KBTBD8: variants seen among roughly 807,000 people sequenced by gnomAD.
The protein encoded by KBTBD8 is kelch repeat and BTB domain containing 8.
KBTBD8 carries 31 observed loss-of-function variants against 53.5 expected under a neutral mutation model. That is an observed-to-expected ratio of 0.58 (90% confidence interval 0.44 to 0.78). The LOEUF is 0.78. Among genes scored for constraint, KBTBD8 ranks in the 30% least tolerant of loss-of-function variants. The pLI, the probability that KBTBD8 is intolerant of heterozygous loss-of-function variation, is 0.00. For missense variants in KBTBD8, 642 were observed against 735.8 expected (o/e 0.87, Z 1.48); for synonymous variants, 250 against 247.3 (o/e 1.01, Z -0.10).
Position 67,008,146 on chromosome 3 carries a change from C to T in KBTBD8, c.1567C>T (p.Pro523Ser). 4 of 1,614,068 alleles carry T rather than the reference C, an allele frequency of 2.5e-6. No homozygotes were observed. Among genetic ancestry groups the T allele is most frequent in the South Asian group, 2.2e-5 (2 of 91,080 alleles). ...CTTTCCATGTGATCAGTCCATAAAT[C>T]CATACCTTAAACTGGTACTTTTCCA... The part of the protein sequence containing the change: ...KDFPCDQSIN[P>S]YLKLVLFQNK... The change falls in exon 4 of 4, where the codon CCA becomes TCA. Residue 523 changes from proline (P) to serine (S), a missense_variant. Physicochemically the swap from Pro to Ser is moderately conservative, Grantham distance 74 (BLOSUM62 -1). Transcript: ENST00000417314.
rs2106758043 is a variant in KBTBD8 at position 67,003,585 on chromosome 3, T to C, written c.618T>C (p.Asn206=). The change falls in exon 3 of 4, where the codon AAT becomes AAC. Residue 206 remains asparagine (N), a synonymous_variant. Coordinates refer to ENST00000417314, the MANE Select transcript of KBTBD8 (RefSeq NM_032505.3). ...GTATACTAGACAGTGACGATTTAAA[T>C]GTAGACCGAGAAGAGCATGTTTATG... ...LISILDSDDL[N]VDREEHVYES... is the part of the protein sequence containing the mutation. 1.2e-6 allele frequency: 2 copies of C among 1,613,914 alleles called. No individual in the cohort carries two copies. The highest frequency in any genetic ancestry group is 1.7e-6 in the Non-Finnish European group (2 of 1,179,852).
chr3:67,004,913 A>C (rs2106759805), intron 3 of KBTBD8, among the ~76,000 whole-genome samples: 1 of 152,232 alleles, frequency 6.6e-6, no homozygotes, highest in East Asian at 1.9e-4. Flanking sequence ...ATACATTTTC[A>C]ATTTTTTTCA....
chr3:66,998,392 G>A (rs776487632), intron 1 of KBTBD8, 21 bp downstream of exon 1: 144 of 1,293,552 alleles, frequency 1.1e-4, no homozygotes, highest in Non-Finnish European at 1.4e-4. Flanking sequence ...TGGTGGCCAG[G>A]GCGGCGTGGA....
chr3:67,004,994 T>A (rs1238510392), intron 3 of KBTBD8, among the ~76,000 whole-genome samples: 2 of 152,124 alleles, frequency 1.3e-5, no homozygotes, highest in African/African-American at 4.8e-5. Flanking sequence ...ATATGTAGTG[T>A]TTGTTTTGTT....
At position 67,009,576 on chromosome 3, in the gene KBTBD8, G is replaced by A. The variant is rs187444044; in HGVS notation, c.*1191G>A. On this transcript the variant is annotated 3_prime_UTR_variant, in exon 4 of 4. Transcript: ENST00000417314. ...ACTTAACAGTGATGAATACTTTTAC[G>A]TTGGAATCCTCCTTCTAGCTGAAGG... 1.2e-3 allele frequency: 177 copies of A among 152,084 alleles called. 1 individual carries two copies. Among genetic ancestry groups the A allele is most frequent in the Non-Finnish European group, 6.5e-4 (44 of 67,910 alleles). The allele number at this position is 152,084 out of a possible 1,614,324, so 9.4% of individuals were successfully genotyped here.
intron 2 of KBTBD8, among the ~76,000 whole-genome samples, chr3:66,999,521 A>G (rs537075781): frequency 6.6e-6 from 1 of 152,320 alleles, no homozygotes; most frequent in Non-Finnish European, 1.5e-5. Context: ...TAAATAAAAT[A>G]AAACATTTAG....
At position 67,008,459 on chromosome 3, in the gene KBTBD8, A is replaced by G. The variant is rs138334864; in HGVS notation, c.*74A>G. On this transcript the variant is annotated 3_prime_UTR_variant, in exon 4 of 4. Transcript: ENST00000417314. ...TTGTCTTTGATACAAAAGAGTGCTG[A>G]CAGTATTTCAGAAAGCTGAGAGAGT... 44 of 1,044,146 alleles carry G rather than the reference A, an allele frequency of 4.2e-5. No individual in the cohort carries two copies. The East Asian group carries it at 1.0e-3, about 24-fold the overall frequency. 64.7% of individuals were successfully genotyped at this position (1,044,146 alleles called of 1,614,324 possible).
Position 66,998,320 on chromosome 3 carries a change from C to G in KBTBD8, c.-36C>G, listed in dbSNP as rs1340426006. 1.1e-5 allele frequency: 14 copies of G among 1,291,614 alleles called. No individual in the cohort carries two copies. The highest frequency in any genetic ancestry group is 1.1e-4 in the South Asian group (4 of 37,204). 80.0% of individuals were successfully genotyped at this position (1,291,614 alleles called of 1,614,324 possible). Reference sequence around the variant, plus strand: ...AGCTAGAGAAGCGAAATGACATTTCCTTTTTAAATAGCTGGAGTCGGGGCC... The same window carrying G: ...AGCTAGAGAAGCGAAATGACATTTCGTTTTTAAATAGCTGGAGTCGGGGCC... On this transcript the variant is annotated 5_prime_UTR_variant, in exon 1 of 4. Coordinates refer to ENST00000417314, the MANE Select transcript of KBTBD8 (RefSeq NM_032505.3).
intron 3 of KBTBD8, among the ~76,000 whole-genome samples, chr3:67,005,367 C>G (rs1183194877): frequency 2.0e-5 from 3 of 152,296 alleles, no homozygotes; most frequent in Admixed American, 2.0e-4. Flanking sequence ...CATATTTTTA[C>G]TGTACTTGTT....
Position 67,003,258 on chromosome 3 carries a change from A to G in KBTBD8, c.291A>G (p.Glu97=). Residue 97 remains glutamate, a synonymous_variant, in exon 3 of 4, where the codon GAA becomes GAG. Coordinates refer to ENST00000417314, the MANE Select transcript of KBTBD8 (RefSeq NM_032505.3). ...AAGAAGTTCGAATAGTTGGTGTTGA[A>G]GCTGAATCGATGGATTTAGTGTTGA... The part of the protein sequence containing the change: ...TQKEVRIVGV[E]AESMDLVLNY... 9 of 1,614,146 alleles carry G rather than the reference A, an allele frequency of 5.6e-6. No individual in the cohort carries two copies. Among genetic ancestry groups the G allele is most frequent in the Non-Finnish European group, 6.8e-6 (8 of 1,179,966 alleles).
chr3:67,006,655 A>G (rs1387420217), intron 3 of KBTBD8, among the ~76,000 whole-genome samples: 1 of 152,222 alleles, frequency 6.6e-6, no homozygotes, highest in Non-Finnish European at 1.5e-5. Flanking sequence ...CATCACTGTT[A>G]CGAAGTACGT....
chr3:67,003,095 C>A, intron 2 of KBTBD8, 100 bp from the exon 3 acceptor site: 6 of 1,215,650 alleles, frequency 4.9e-6, no homozygotes, highest in African/African-American at 1.5e-5. Flanking sequence ...TATTCTGTTT[C>A]AAAAGGTTAT....
At chr3:67,000,772 C>T (rs1347522952) in intron 2 of KBTBD8, among the ~76,000 whole-genome samples, 1 of 152,010 alleles carries the variant, frequency 6.6e-6, no homozygotes, top group Non-Finnish European at 1.5e-5. Context: ...CTATATCTTA[C>T]TGAAATTTAA....
intron 3 of KBTBD8, among the ~76,000 whole-genome samples, chr3:67,004,854 G>C (rs894180809): frequency 6.6e-6 from 1 of 152,192 alleles, no homozygotes; most frequent in Non-Finnish European, 1.5e-5. Flanking sequence ...GAGTTTGGAA[G>C]TATGGTCTTC....
rs142381130 is a variant in KBTBD8 at position 67,008,169 on chromosome 3, C to T, written c.1590C>T (p.Phe530=). ...ATCCATACCTTAAACTGGTACTTTT[C>T]CAGAACAAACTCCATTTATTTGTTC... ...SINPYLKLVL[F]QNKLHLFVRA... is the part of the protein sequence containing the mutation. Residue 530 remains phenylalanine, a synonymous_variant, in exon 4 of 4, where the codon TTC becomes TTT. Coordinates refer to ENST00000417314, the MANE Select transcript of KBTBD8 (RefSeq NM_032505.3). The T allele has an allele frequency of 4.9e-4, 798 of 1,614,102 alleles. 5 individuals carry two copies. In the Middle Eastern group the frequency reaches 0.02, roughly 41 times the overall value.
intron 3 of KBTBD8, among the ~76,000 whole-genome samples, chr3:67,005,643 C>G (rs539280752): frequency 6.6e-6 from 1 of 151,612 alleles, no homozygotes; most frequent in East Asian, 2.0e-4. Flanking sequence ...TTCCCCTCCC[C>G]CTTCCCCTTC....
Position 66,999,204 on chromosome 3 carries a change from T to A in KBTBD8, c.227+13T>A. ...GCCCTTACTTCAGGTATGATGATGG[T>A]AGGAACTTCTGTTGGTATCTGCACC... is the stretch of plus-strand genomic sequence containing the variant. On this transcript the variant is annotated intron_variant, in intron 2 of 3. Coordinates refer to ENST00000417314, the MANE Select transcript of KBTBD8 (RefSeq NM_032505.3). 1 of 1,607,156 alleles carries A rather than the reference T, an allele frequency of 6.2e-7. No individual in the cohort carries two copies. Among genetic ancestry groups the A allele is most frequent in the South Asian group, 1.1e-5 (1 of 90,934 alleles).
rs576298559 is a variant in KBTBD8 at position 67,004,458 on chromosome 3, A to G, written c.1342+149A>G. Reference sequence around the variant, plus strand: ...TATTGGAACAGTCTGTTCTGTAAAGAGCTATAAAGAAAATAAACTCTTGAA... The same window carrying G: ...TATTGGAACAGTCTGTTCTGTAAAGGGCTATAAAGAAAATAAACTCTTGAA... On this transcript the variant is annotated intron_variant, in intron 3 of 3. Transcript: ENST00000417314. The G allele has an allele frequency of 1.8e-4, 125 of 682,386 alleles. 1 individual carries two copies. In the South Asian group the frequency reaches 3.1e-3, roughly 17 times the overall value. The allele number at this position is 682,386 out of a possible 1,614,324, so 42.3% of individuals were successfully genotyped here. A position where few individuals can be genotyped will look rare whatever the true frequency, so the allele number is the denominator to read the frequency against.
rs1702090629 is a variant in KBTBD8 at position 67,008,588 on chromosome 3, A to G, written c.*203A>G. The G allele has an allele frequency of 6.0e-6, 3 of 503,844 alleles. No homozygotes were observed. Among genetic ancestry groups the G allele is most frequent in the Non-Finnish European group, 1.0e-5 (3 of 285,804 alleles). The allele number at this position is 503,844 out of a possible 1,614,324, so 31.2% of individuals were successfully genotyped here. On this transcript the variant is annotated 3_prime_UTR_variant, in exon 4 of 4. Transcript: ENST00000417314. ...CAGTAAGGAAAAGATAACAAAGTGC[A>G]ATTATCAGCATTTTTTTTTCCTGGC... is the stretch of plus-strand genomic sequence containing the variant.
Sources: gnomAD v4.1 joint callset for allele counts (sites outside exome capture counted in the v4.1 genomes callset) on GRCh38, gnomAD v4.1.1 for gene constraint, MANE v1.5 for transcripts, NCBI Gene and HGNC (gene_info 2026-07-23, HGNC 2026-07-21) for gene names.